CEP97: variants seen among roughly 807,000 people sequenced by gnomAD.
CEP97 encodes the protein centrosomal protein of 97 kDa.
CEP97 carries 43 observed loss-of-function variants against 73.1 expected under a neutral mutation model. That is an observed-to-expected ratio of 0.59 (90% confidence interval 0.46 to 0.76). The LOEUF (loss-of-function observed/expected upper bound fraction) is 0.76. CEP97 is among the 30% of genes least tolerant of loss of function. CEP97 has a pLI of 0.00. For synonymous variants in CEP97, 337 were observed against 370.0 expected (o/e 0.91, Z 1.02); for missense variants, 939 against 1,014.0 (o/e 0.93, Z 1.00).
intron 6 of CEP97, among the ~76,000 whole-genome samples, chr3:101,749,239 G>T (rs1938725152): frequency 6.6e-6 from 1 of 150,420 alleles, no homozygotes; most frequent in African/African-American, 2.5e-5. Context: ...GTGAGAACAT[G>T]CGGTGTTTGG....
intron 6 of CEP97, among the ~76,000 whole-genome samples, chr3:101,735,757 A>G (rs1018138575): frequency 4.6e-5 from 7 of 152,160 alleles, no homozygotes; most frequent in Non-Finnish European, 1.0e-4. Context: ...GGTTTCAAGC[A>G]CAAAAGTGGG....
chr3:101,766,731 A>G lies in CEP97; in HGVS notation c.*1180A>G, dbSNP rs371873930. ...AGATGCATTTGTAATTAAGGATAATATCGTTTAACAACATGTATTTGGTTT... is the reference window on the plus strand; with the variant it reads ...AGATGCATTTGTAATTAAGGATAATGTCGTTTAACAACATGTATTTGGTTT... On this transcript the variant is annotated 3_prime_UTR_variant, in exon 11 of 11. Coordinates refer to ENST00000341893, the MANE Select transcript of CEP97 (RefSeq NM_024548.4). The G allele has an allele frequency of 3.9e-5, 6 of 152,328 alleles. No homozygotes were observed. The highest frequency in any genetic ancestry group is 1.4e-4 in the African/African-American group (6 of 41,408). The allele number at this position is 152,328 out of a possible 1,614,324, so 9.4% of individuals were successfully genotyped here. A position where few individuals can be genotyped will look rare whatever the true frequency, so the allele number is the denominator to read the frequency against.
At chr3:101,759,297 T>G (rs1468016051) in intron 9 of CEP97, 1 of 152,226 alleles carries the variant, frequency 6.6e-6, no homozygotes, top group Non-Finnish European at 1.5e-5. Flanking sequence ...GGTGCAAGCT[T>G]CCAGTTGTTC....
At chr3:101,756,396 C>T (rs1348839493) in intron 7 of CEP97, among the ~76,000 whole-genome samples, 2 of 149,746 alleles carry the variant, frequency 1.3e-5, no homozygotes, top group African/African-American at 4.9e-5. Context: ...CAGGAGCTCA[C>T]TTTGTCACCC....
In CEP97 at chr3:101,731,863, C is replaced by T. The variant is rs760163007; in HGVS notation, c.471C>T (p.Ile157=). The change falls in exon 5 of 11, where the codon ATC becomes ATT. Residue 157 remains isoleucine, a synonymous_variant. Coordinates refer to ENST00000341893, the MANE Select transcript of CEP97 (RefSeq NM_024548.4). The stretch of plus-strand genomic sequence containing the variant: ...AGACCCTGCTTTTACATGGAAACAT[C>T]ATCACCTCTCTTAGAATGGCACCTG... ...SLKTLLLHGN[I]ITSLRMAPAY... is the part of the protein sequence containing the mutation. 6.2e-7 allele frequency: 1 copy of T among 1,602,438 alleles called. No homozygotes were observed. Among genetic ancestry groups the T allele is most frequent in the Non-Finnish European group, 8.5e-7 (1 of 1,170,138 alleles).
chr3:101,740,448 T>C (rs1938413392), intron 6 of CEP97, among the ~76,000 whole-genome samples: 1 of 152,182 alleles, frequency 6.6e-6, no homozygotes, highest in African/African-American at 2.4e-5. Context: ...TACAAACCAG[T>C]GCTCAAGGAA....
chr3:101,748,681 C>T (rs2107167410), intron 6 of CEP97, among the ~76,000 whole-genome samples: 1 of 152,270 alleles, frequency 6.6e-6, no homozygotes, highest in South Asian at 2.1e-4. Flanking sequence ...CACTCTGTTG[C>T]CCAGGCTGGA....
chr3:101,750,303 G>A (rs1938766314), intron 6 of CEP97, among the ~76,000 whole-genome samples: 1 of 149,102 alleles, frequency 6.7e-6, no homozygotes, highest in Non-Finnish European at 1.5e-5. Flanking sequence ...TCAGATAGTT[G>A]TAGATATGCG....
chr3:101,746,766 T>C (rs1385765550), intron 6 of CEP97, among the ~76,000 whole-genome samples: 3 of 152,086 alleles, frequency 2.0e-5, no homozygotes, highest in South Asian at 2.1e-4. Flanking sequence ...AGAAAATTTT[T>C]GCAACCTACT....
chr3:101,730,548 G>A (rs1213206367), intron 4 of CEP97, among the ~76,000 whole-genome samples: 2 of 150,378 alleles, frequency 1.3e-5, no homozygotes, highest in Non-Finnish European at 2.9e-5. Context: ...ACAGGCATGA[G>A]CCACTGCGCT....
intron 6 of CEP97, among the ~76,000 whole-genome samples, chr3:101,749,080 G>C (rs954688299): frequency 6.6e-4 from 100 of 151,914 alleles, no homozygotes; most frequent in African/African-American, 2.3e-3. Context: ...TGCCATGCTG[G>C]TGTGCGGCAC....
rs1939331689 is a variant in CEP97 at position 101,766,871 on chromosome 3, G to C, written c.*1320G>C. On this transcript the variant is annotated 3_prime_UTR_variant, in exon 11 of 11. Coordinates refer to ENST00000341893, the MANE Select transcript of CEP97 (RefSeq NM_024548.4). ...TAGTCATTAGGTGCCCTTCTCTGAA[G>C]TTATGTAAAATAAAAGCATCTGATC... 2 of 152,190 alleles carry C rather than the reference G, an allele frequency of 1.3e-5. No homozygotes were observed. Among genetic ancestry groups the C allele is most frequent in the South Asian group, 4.1e-4 (2 of 4,836 alleles). The allele number at this position is 152,190 out of a possible 1,614,324, so 9.4% of individuals were successfully genotyped here.
At chr3:101,730,121 C>G (rs1008852698) in intron 4 of CEP97, among the ~76,000 whole-genome samples, 13 of 151,806 alleles carry the variant, frequency 8.6e-5, no homozygotes, top group African/African-American at 3.1e-4. Flanking sequence ...TGAGATCTTA[C>G]TATGTTGTCT....
At position 101,751,101 on chromosome 3, in the gene CEP97, T is replaced by C. The variant is rs1373117634; in HGVS notation, c.729-4329T>C. On this transcript the variant is annotated intron_variant, in intron 6 of 10. Transcript: ENST00000341893. ...TGCTTTGAATGTGTGCCAGAGATTC[T>C]GGTATGTTGTGTCTTTGTTCTTGTT... Among the ~76,000 whole-genome samples the C allele has an allele frequency of 2.6e-5, 4 of 152,226 alleles. No individual in the cohort carries two copies. In the East Asian group the frequency reaches 7.7e-4, roughly 29 times the overall value.
In CEP97 at chr3:101,757,056, T is replaced by C. The variant is rs1322309126; in HGVS notation, c.894-7T>C. ...GTTAAATTAGACCAGGTATTATTGA[T>C]TTTTAGGTTTCACCAGAGGCAGTTG... On this transcript the variant is annotated splice_polypyrimidine_tract_variant and splice_region_variant and intron_variant, in intron 7 of 10. Coordinates refer to ENST00000341893, the MANE Select transcript of CEP97 (RefSeq NM_024548.4). 6.3e-7 allele frequency: 1 copy of C among 1,598,300 alleles called. No individual in the cohort carries two copies. The highest frequency in any genetic ancestry group is 8.5e-7 in the Non-Finnish European group (1 of 1,175,474).
intron 6 of CEP97, among the ~76,000 whole-genome samples, chr3:101,744,057 C>T (rs896161799): frequency 6.6e-6 from 1 of 151,010 alleles, no homozygotes; most frequent in Non-Finnish European, 1.5e-5. Context: ...AATTGGAATG[C>T]TCATAAACCA....
At chr3:101,764,553 G>A (rs1939257328) in intron 10 of CEP97, among the ~76,000 whole-genome samples, 1 of 151,740 alleles carries the variant, frequency 6.6e-6, no homozygotes, top group South Asian at 2.1e-4. Flanking sequence ...GGAGGTTGCG[G>A]TAAGCCGAGA....
At chr3:101,746,277 A>G (rs1193033847) in intron 6 of CEP97, among the ~76,000 whole-genome samples, 2 of 152,222 alleles carry the variant, frequency 1.3e-5, no homozygotes, top group Admixed American at 6.5e-5. Context: ...ACTTTAAACT[A>G]TACTACAAGG....
intron 8 of CEP97, among the ~76,000 whole-genome samples, 162 bp downstream of exon 8, chr3:101,757,358 A>G (rs1261494114): frequency 6.6e-6 from 1 of 152,168 alleles, no homozygotes; most frequent in Non-Finnish European, 1.5e-5. Flanking sequence ...ACACCTATAT[A>G]TGTATGTATA....
Sources: gnomAD v4.1 joint callset for allele counts (sites outside exome capture counted in the v4.1 genomes callset) on GRCh38, gnomAD v4.1.1 for gene constraint, MANE v1.5 for transcripts, NCBI Gene and HGNC (gene_info 2026-07-23, HGNC 2026-07-21) for gene names.